The following DNAH11 variants were observed in gnomAD, a reference collection of about 807,000 sequenced individuals.
The protein encoded by DNAH11 is axonemal beta dynein heavy chain 11.
A neutral mutation model predicts 526.0 loss-of-function variants in DNAH11; 442 were observed. The ratio of observed to expected loss-of-function variants is 0.84; its 90% confidence interval spans 0.78 to 0.91. The LOEUF (loss-of-function observed/expected upper bound fraction) is 0.91. DNAH11 is among the 40% of genes least tolerant of loss of function. DNAH11 has a pLI of 0.00. For synonymous variants in DNAH11, 2,461 were observed against 1,935.9 expected, an observed-to-expected ratio of 1.27 and a Z score of -7.12; for missense variants, 6,989 against 5,448.7, an observed-to-expected ratio of 1.28 and a Z score of -8.90.
rs183942599 is a variant in DNAH11, at chr7:21,847,614, G to A, written c.10897-4853G>A. Among the ~76,000 whole-genome samples, 150 of 152,264 alleles carry A rather than the reference G, an allele frequency of 9.9e-4. No individual in the cohort carries two copies. The Middle Eastern group carries it at 0.01, about 10-fold the overall frequency. ...TGGTCCATCTTGGCAAATGTTCCATGTGAGCTTGAGAAAAATGTATATTCT... is the reference window on the plus strand; with the variant it reads ...TGGTCCATCTTGGCAAATGTTCCATATGAGCTTGAGAAAAATGTATATTCT... On this transcript the variant is annotated intron_variant, in intron 66 of 81. Transcript: ENST00000409508.
At position 21,556,739 on chromosome 7, in the gene DNAH11, A is replaced by G. The variant is rs1340563597; in HGVS notation, c.496-2063A>G. Among the ~76,000 whole-genome samples, 5 of 152,076 alleles carry G rather than the reference A, an allele frequency of 3.3e-5. No individual in the cohort carries two copies. The East Asian group carries it at 5.8e-4, about 18-fold the overall frequency. ...GTTTCTTTGTGCCCATGTGTACTCA[A>G]TGTTTAGCTCCTAGTTATTAATATA... On this transcript the variant is annotated intron_variant, in intron 2 of 81. Transcript: ENST00000409508.
Position 21,600,670 on chromosome 7 carries a change from A to T in DNAH11, c.3001-6A>T. The T allele has an allele frequency of 1.3e-6, 2 of 1,597,766 alleles. No individual in the cohort carries two copies. The highest frequency in any genetic ancestry group is 1.1e-5 in the South Asian group (1 of 88,150). ...ATAGTAAGTGCTGTGTTTTCCTCTCATTTAGAATGATATGGATAACATGTT... is the reference window on the plus strand; with the variant it reads ...ATAGTAAGTGCTGTGTTTTCCTCTCTTTTAGAATGATATGGATAACATGTT... On this transcript the variant is annotated splice_region_variant and splice_polypyrimidine_tract_variant and intron_variant, in intron 15 of 81. Coordinates refer to ENST00000409508, the MANE Select transcript of DNAH11 (RefSeq NM_001277115.2).
chr7:21,705,565 G>C, intron 39 of DNAH11, 28 bp downstream of exon 39: 1 of 1,601,780 alleles, frequency 6.2e-7, no homozygotes, highest in Non-Finnish European at 8.6e-7. Flanking sequence ...ATAGCTTACA[G>C]CTATGGAAAG....
intron 62 of DNAH11, among the ~76,000 whole-genome samples, chr7:21,807,473 C>T (rs759139640): frequency 2.6e-5 from 4 of 152,128 alleles, no homozygotes; most frequent in African/African-American, 4.8e-5. Context: ...CATTCCAGCA[C>T]GGGTGATAGA....
chr7:21,766,517 C>T (rs929497735), intron 55 of DNAH11, among the ~76,000 whole-genome samples: 8 of 152,190 alleles, frequency 5.3e-5, no homozygotes, highest in African/African-American at 1.9e-4. Context: ...TTATCATGAA[C>T]AGGTACAACC....
chr7:21,592,035 G>T (rs1217175436), intron 14 of DNAH11, among the ~76,000 whole-genome samples: 1 of 151,972 alleles, frequency 6.6e-6, no homozygotes, highest in Non-Finnish European at 1.5e-5. Flanking sequence ...ACTCATCTAG[G>T]CTTGTGAATG....
chr7:21,751,975 C>T (rs893205606), intron 54 of DNAH11, among the ~76,000 whole-genome samples: 1 of 152,164 alleles, frequency 6.6e-6, no homozygotes, highest in Non-Finnish European at 1.5e-5. Flanking sequence ...CAATGATTAT[C>T]GTAATCTGTT....
At chr7:21,779,514 C>A (rs574727361) in intron 57 of DNAH11, among the ~76,000 whole-genome samples, 9 of 152,254 alleles carry the variant, frequency 5.9e-5, no homozygotes, top group African/African-American at 1.7e-4. Context: ...TCAAATTTTG[C>A]ATTTTAATAA....
In DNAH11 at chr7:21,635,998, G is replaced by A; in HGVS notation, c.4628G>A (p.Trp1543Ter). 1 of 1,613,628 alleles carries A rather than the reference G, an allele frequency of 6.2e-7. No individual in the cohort carries two copies. The highest frequency in any genetic ancestry group is 8.5e-7 in the Non-Finnish European group (1 of 1,179,766). Residue 1543 changes from tryptophan to a stop codon, truncating the protein, a stop_gained, in exon 26 of 82, where the codon TGG becomes TAG. Transcript: ENST00000409508. LOFTEE classifies it high-confidence loss of function. ...IFTWMEVQRT[W>*]SHLESIFVCS... is the part of the protein sequence containing the mutation. ...ACTTGGATGGAAGTCCAGCGAACTT[G>A]GTCTCACCTGGAAAGCATTTTTGTC...
chr7:21,610,129 T>C (rs958734197), intron 20 of DNAH11, among the ~76,000 whole-genome samples: 13 of 151,974 alleles, frequency 8.6e-5, no homozygotes, highest in South Asian at 2.1e-4. Flanking sequence ...TGGCAGGCGC[T>C]TGTAGTCCCA....
At chr7:21,665,092 TCTCTCTCA>T (rs1449304169) in intron 30 of DNAH11, among the ~76,000 whole-genome samples, 2 of 151,672 alleles carry the variant, frequency 1.3e-5, no homozygotes, top group Non-Finnish European at 1.5e-5. Context: ...TCTCTCTCTC[TCTCTCTCA>T]CTCTCTCTTC....
rs1302583314 is a variant in DNAH11 at position 21,737,851 on chromosome 7, A to AC, written c.7646-849dup. Among the ~76,000 whole-genome samples the AC allele has an allele frequency of 2.0e-5, 3 of 152,178 alleles. No homozygotes were observed. In the East Asian group the frequency reaches 5.8e-4, roughly 29 times the overall value. On this transcript the variant is annotated intron_variant, in intron 46 of 81. Coordinates refer to ENST00000409508, the MANE Select transcript of DNAH11 (RefSeq NM_001277115.2). ...AAGAGGCAGATTTAGTGTTGGCTGA[A>AC]CGTTGGATGGTAATGGCTAGTAAGA...
intron 79 of DNAH11, among the ~76,000 whole-genome samples, chr7:21,895,478 C>T (rs1302340974): frequency 6.6e-6 from 1 of 152,098 alleles, no homozygotes; most frequent in Admixed American, 6.6e-5. Context: ...GGTATAACTG[C>T]AGAGATGTGT....
intron 75 of DNAH11, among the ~76,000 whole-genome samples, chr7:21,883,674 AT>A (rs1017887935): frequency 6.6e-6 from 1 of 152,232 alleles, no homozygotes. Flanking sequence ...TCCTTTCACA[AT>A]TTTTAGATGA....
At chr7:21,597,181 G>T (rs549128877) in intron 14 of DNAH11, among the ~76,000 whole-genome samples, 1 of 151,988 alleles carries the variant, frequency 6.6e-6, no homozygotes, top group African/African-American at 2.4e-5. Flanking sequence ...TCTTCCTTTC[G>T]CTCCCTTTAT....
At chr7:21,675,472 A>T (rs1021571630) in intron 30 of DNAH11, among the ~76,000 whole-genome samples, 1 of 152,190 alleles carries the variant, frequency 6.6e-6, no homozygotes, top group African/African-American at 2.4e-5. Flanking sequence ...TCCCTATATC[A>T]GGCAAGGCCT....
Position 21,866,647 on chromosome 7 carries a change from A to T in DNAH11, c.11674A>T (p.Met3892Leu). ...TCTGAGAGCAATGCGCCCTGACAGA[A>T]TGACGTATGCTCTCAGGTGGGGTGG... Reference protein sequence around the residue: ...ILLRAMRPDRMTYALRNFVEE... With the variant: ...ILLRAMRPDRLTYALRNFVEE... The change falls in exon 71 of 82, where the codon ATG becomes TTG. Residue 3892 changes from methionine to leucine, a missense_variant. Met to Leu is a conservative substitution (Grantham distance 15, BLOSUM62 2). Coordinates refer to ENST00000409508, the MANE Select transcript of DNAH11 (RefSeq NM_001277115.2). 1 of 1,613,010 alleles carries T rather than the reference A, an allele frequency of 6.2e-7. No individual in the cohort carries two copies. Among genetic ancestry groups the T allele is most frequent in the Non-Finnish European group, 8.5e-7 (1 of 1,179,418 alleles).
chr7:21,720,851 G>A lies in DNAH11; in HGVS notation c.7261G>A (p.Asp2421Asn), dbSNP rs1784848569. The change falls in exon 44 of 82, where the codon GAT (aspartate) becomes AAT (asparagine). Residue 2421 changes from aspartate to asparagine, a missense_variant. Coordinates refer to ENST00000409508, the MANE Select transcript of DNAH11 (RefSeq NM_001277115.2). The stretch of plus-strand genomic sequence containing the variant: ...GGCTTTTGGAGGCACCCTGCTACAA[G>A]ATCAGGTATGTTTAGAAATAGTTTA... ...IWAFGGTLLQ[D>N]QISDYQADFS... The A allele has an allele frequency of 6.2e-7, 1 of 1,612,356 alleles. No individual in the cohort carries two copies.
rs569322973 is a variant in DNAH11, at chr7:21,752,266, G to A, written c.8940+1902G>A. On this transcript the variant is annotated intron_variant, in intron 54 of 81. Coordinates refer to ENST00000409508, the MANE Select transcript of DNAH11 (RefSeq NM_001277115.2). ...GCTAGATTCAGTAGTTACAGCTTGT[G>A]GTAGTTTTAAAACATGCCTTCAAAT... 1.8e-4 allele frequency among the ~76,000 whole-genome samples: 28 copies of A among 152,284 alleles called. No individual in the cohort carries two copies. In the South Asian group the frequency reaches 4.8e-3, roughly 26 times the overall value.
Sources: allele counts gnomAD v4.1 joint callset (sites outside exome capture counted in the v4.1 genomes callset), GRCh38; gene constraint gnomAD v4.1.1; transcripts MANE v1.5; gene names NCBI Gene and HGNC (gene_info 2026-07-23, HGNC 2026-07-21).